The following ACACA variants were observed in gnomAD, a reference collection of about 807,000 sequenced individuals.
The protein encoded by ACACA is acetyl-CoA carboxylase alpha, also known as acetyl-CoA carboxylase 1.
Under a neutral mutation model 296.1 loss-of-function variants are expected in ACACA, and 103 were observed. The ratio of observed to expected loss-of-function variants is 0.35; its 90% CI spans 0.30 to 0.41. ACACA has a LOEUF of 0.41. Ranked by LOEUF, ACACA falls within the 10% of genes least tolerant of loss-of-function variation. The pLI is 1.00. For synonymous variants in ACACA, 953 were observed against 1,038.6 expected, an observed-to-expected ratio of 0.92 and a Z score of 1.58; for missense variants, 1,554 against 2,989.7, an observed-to-expected ratio of 0.52 and a Z score of 11.20.
chr17:37,223,201 T>C (rs2079376836), intron 28 of ACACA, among the ~76,000 whole-genome samples: 1 of 152,214 alleles, frequency 6.6e-6, no homozygotes, highest in Non-Finnish European at 1.5e-5. Context: ...ATATTTTCGC[T>C]TTTTGTGTTA....
chr17:37,151,376 G>A lies in ACACA; in HGVS notation c.5493C>T (p.Pro1831=), dbSNP rs201991547. ...TCATTCCAGAACCTCGAAGGTTCTC[G>A]GGTCCAATTCCCTCTTCTTTCCCAA... The part of the protein sequence containing the change: ...DIIGKEEGIG[P]ENLRGSGMIA... Residue 1831 remains proline (P), a synonymous_variant, in exon 44 of 56, where the codon CCC becomes CCT. Coordinates refer to ENST00000616317, the MANE Select transcript of ACACA (RefSeq NM_198834.3). 20 of 1,613,756 alleles carry A rather than the reference G, an allele frequency of 1.2e-5. No homozygotes were observed. The highest frequency in any genetic ancestry group is 8.0e-5 in the African/African-American group (6 of 74,926).
intron 10 of ACACA, among the ~76,000 whole-genome samples, chr17:37,268,733 CTATCTATCTATATATATA>C (rs1204415655): frequency 2.5e-4 from 18 of 70,818 alleles, no homozygotes; most frequent in African/African-American, 1.1e-3. Flanking sequence ...ATCTATCTAT[CTATCTATCTATATATATA>C]TATATATATA....
intron 1 of ACACA, among the ~76,000 whole-genome samples, chr17:37,372,257 CA>C (rs2049834349): frequency 6.6e-6 from 1 of 151,490 alleles, no homozygotes; most frequent in South Asian, 2.1e-4. Flanking sequence ...ACTAAAAATA[CA>C]AAAAATTAGC....
At chr17:37,150,119 C>T in intron 44 of ACACA, 145 bp from the exon 45 acceptor site, 2 of 740,798 alleles carry the variant, frequency 2.7e-6, no homozygotes, top group South Asian at 1.7e-5. Context: ...AACACACACA[C>T]ACAAATTTCA....
chr17:37,278,949 T>C (rs1017731658), intron 5 of ACACA, among the ~76,000 whole-genome samples: 2 of 152,318 alleles, frequency 1.3e-5, no homozygotes, highest in East Asian at 1.9e-4. Flanking sequence ...TGTGCCATGG[T>C]GGTTTGCTGT....
chr17:37,274,723 C>T (rs1347219842), intron 8 of ACACA: 2 of 957,876 alleles, frequency 2.1e-6, no homozygotes, highest in African/African-American at 3.5e-5. Context: ...TTATTGGCCT[C>T]AGCAGAGTCA....
chr17:37,249,017 G>T (rs973847644), intron 16 of ACACA, among the ~76,000 whole-genome samples: 1 of 151,906 alleles, frequency 6.6e-6, no homozygotes, highest in East Asian at 1.9e-4. Flanking sequence ...TCCCAATTTC[G>T]CCCTCCCCCC....
At chr17:37,275,381 C>T (rs1225717967) in intron 8 of ACACA, among the ~76,000 whole-genome samples, 1 of 150,718 alleles carries the variant, frequency 6.6e-6, no homozygotes, top group Non-Finnish European at 1.5e-5. Context: ...CCTGTAATCC[C>T]AGCTACTCGG....
At chr17:37,380,270 T>A (rs1318111047) in intron 1 of ACACA, among the ~76,000 whole-genome samples, 3 of 107,366 alleles carry the variant, frequency 2.8e-5, no homozygotes, top group African/African-American at 7.9e-5. Flanking sequence ...CTCTGGGGAC[T>A]GTTGTGGGGT....
chr17:37,177,769 A>G (rs1244605574), intron 41 of ACACA, among the ~76,000 whole-genome samples: 3 of 152,280 alleles, frequency 2.0e-5, no homozygotes, highest in Non-Finnish European at 4.4e-5. Context: ...GCTGATGAGT[A>G]TATATCTATG....
chr17:37,255,656 G>T (rs1051319188), intron 14 of ACACA, among the ~76,000 whole-genome samples: 1 of 152,154 alleles, frequency 6.6e-6, no homozygotes, highest in Non-Finnish European at 1.5e-5. Flanking sequence ...AATGAGTGAG[G>T]CAGACTGAAT....
intron 3 of ACACA, among the ~76,000 whole-genome samples, chr17:37,322,325 T>C (rs1302466547): frequency 6.6e-6 from 1 of 152,168 alleles, no homozygotes; most frequent in African/African-American, 2.4e-5. Flanking sequence ...TGTTCTCAGA[T>C]AAAGTTGTTA....
At chr17:37,230,758 C>T (rs2079820327) in intron 25 of ACACA, among the ~76,000 whole-genome samples, 1 of 152,198 alleles carries the variant, frequency 6.6e-6, no homozygotes, top group Admixed American at 6.5e-5. Flanking sequence ...ACATCACCAT[C>T]TAATCCTGGT....
intron 10 of ACACA, among the ~76,000 whole-genome samples, chr17:37,268,755 A>C (rs187978691): frequency 3.4e-5 from 5 of 145,322 alleles, no homozygotes; most frequent in South Asian, 2.1e-4. Context: ...ATATATATAT[A>C]TATATATATA....
chr17:37,164,045 CT>C (rs34797415), intron 41 of ACACA, among the ~76,000 whole-genome samples: 12 of 151,894 alleles, frequency 7.9e-5, no homozygotes, highest in Admixed American at 2.0e-4. Flanking sequence ...GTTTTCCATT[CT>C]TTTTTTCCCC....
At chr17:37,289,395 T>C in intron 3 of ACACA, 1 of 1,266,402 alleles carries the variant, frequency 7.9e-7, no homozygotes. Context: ...ACACAGAGAA[T>C]AAGGCTAAGG....
At chr17:37,098,102 T>C in intron 52 of ACACA, 118 bp from the exon 53 acceptor site, 1 of 1,278,574 alleles carries the variant, frequency 7.8e-7, no homozygotes, top group South Asian at 1.2e-5. Context: ...CTCTGTGGCC[T>C]GGCTCTCCGT....
At chr17:37,201,483 A>T (rs2078246231) in intron 33 of ACACA, among the ~76,000 whole-genome samples, 1 of 152,090 alleles carries the variant, frequency 6.6e-6, no homozygotes, top group Non-Finnish European at 1.5e-5. Flanking sequence ...ACAGCCACTT[A>T]TACGAGTCTT....
intron 29 of ACACA, among the ~76,000 whole-genome samples, chr17:37,218,056 A>G (rs1339470122): frequency 6.6e-6 from 1 of 151,752 alleles, no homozygotes; most frequent in Non-Finnish European, 1.5e-5. Context: ...TGTAACATCT[A>G]TAATATCAAC....
Sources: allele counts gnomAD v4.1 joint callset (sites outside exome capture counted in the v4.1 genomes callset), GRCh38; gene constraint gnomAD v4.1.1; transcripts MANE v1.5; gene names NCBI Gene and HGNC (gene_info 2026-07-23, HGNC 2026-07-21).